Variants in NAV3 observed in about 807,000 individuals in gnomAD.
NAV3 encodes pore membrane and/or filament interacting like protein 1.
A neutral mutation model predicts 244.7 loss-of-function variants in NAV3; 87 were observed. The observed-to-expected ratio is 0.36, with a 90% CI of 0.30 to 0.42. The LOEUF (loss-of-function observed/expected upper bound fraction) is 0.42, where lower values mean the gene tolerates loss of function less well. Among genes scored for constraint, NAV3 ranks in the 20% least tolerant of loss-of-function variants. The pLI is 1.00. For synonymous variants in NAV3, 1,126 were observed against 1,042.2 expected, an observed-to-expected ratio of 1.08 and a Z score of -1.55; for missense variants, 2,663 against 2,893.3, an observed-to-expected ratio of 0.92 and a Z score of 1.83.
chr12:78,044,595 C>T (rs186480801), intron 9 of NAV3, among the ~76,000 whole-genome samples: 60 of 152,206 alleles, frequency 3.9e-4, no homozygotes, highest in African/African-American at 1.3e-3. Flanking sequence ...TTTGTGTCCT[C>T]TCTTATTTCC....
Position 77,601,140 on chromosome 12 carries a change from C to T in NAV3, c.72+28874C>T, listed in dbSNP as rs752962152. 4.0e-5 allele frequency among the ~76,000 whole-genome samples: 6 copies of T among 151,882 alleles called. No homozygotes were observed. In the East Asian group the frequency reaches 7.8e-4, roughly 20 times the overall value. On this transcript the variant is annotated intron_variant, in intron 2 of 8. Coordinates refer to the NAV3 transcript ENST00000550042. ...TTTATATGTATTAACTCATTTTATC[C>T]GCACAAATACCCTCTGATGTAGGGA...
chr12:77,955,043 C>G (rs1027188361), intron 3 of NAV3, among the ~76,000 whole-genome samples: 9 of 152,142 alleles, frequency 5.9e-5, no homozygotes, highest in Non-Finnish European at 8.8e-5. Context: ...GTGGCCTTGT[C>G]TCCTGCCACT....
chr12:78,067,309 A>G (rs1214661589), intron 12 of NAV3, among the ~76,000 whole-genome samples: 3 of 152,128 alleles, frequency 2.0e-5, no homozygotes, highest in Non-Finnish European at 4.4e-5. Flanking sequence ...GGAAAGAGAC[A>G]AAGTAAATAT....
At chr12:78,044,188 A>C (rs1881362527) in intron 9 of NAV3, among the ~76,000 whole-genome samples, 1 of 152,184 alleles carries the variant, frequency 6.6e-6, no homozygotes, top group Non-Finnish European at 1.5e-5. Context: ...TAAATAGGGA[A>C]TCCTTTCCCC....
At chr12:77,664,851 A>T (rs569152781) in intron 2 of NAV3, among the ~76,000 whole-genome samples, 10 of 152,350 alleles carry the variant, frequency 6.6e-5, no homozygotes, top group African/African-American at 2.4e-4. Flanking sequence ...CATGTAATAG[A>T]TTCTTCTGTG....
chr12:77,802,840 T>G (rs550473259), intron 2 of NAV3, among the ~76,000 whole-genome samples: 1 of 152,202 alleles, frequency 6.6e-6, no homozygotes, highest in South Asian at 2.1e-4. Context: ...TTTTGTTTTT[T>G]GTATTTTTAG....
At chr12:77,588,030 A>G (rs1415572550) in intron 2 of NAV3, among the ~76,000 whole-genome samples, 1 of 152,222 alleles carries the variant, frequency 6.6e-6, no homozygotes, top group Non-Finnish European at 1.5e-5. Context: ...TACAATTTCC[A>G]TATGTATTTT....
At chr12:78,004,957 C>T (rs1349347173) in intron 7 of NAV3, among the ~76,000 whole-genome samples, 1 of 152,114 alleles carries the variant, frequency 6.6e-6, no homozygotes, top group Admixed American at 6.5e-5. Context: ...GTTGAAATTC[C>T]TCTTCTGTAC....
At chr12:77,808,560 G>A (rs931437732) in intron 2 of NAV3, among the ~76,000 whole-genome samples, 2 of 152,172 alleles carry the variant, frequency 1.3e-5, no homozygotes, top group African/African-American at 4.8e-5. Context: ...TCGTTCCAGA[G>A]GGGCACCGGC....
chr12:77,844,849 T>C (rs7965680), intron 1 of NAV3, among the ~76,000 whole-genome samples: 68,567 of 152,036 alleles, frequency 0.45, 17,702 homozygotes, highest in East Asian at 0.59. Context: ...GTGGCCTGAA[T>C]TGGAGTCCTT....
At chr12:77,767,093 G>A (rs751385618) in intron 2 of NAV3, among the ~76,000 whole-genome samples, 13 of 152,176 alleles carry the variant, frequency 8.5e-5, no homozygotes, top group Non-Finnish European at 1.2e-4. Flanking sequence ...TAAGAAGCGC[G>A]ATGGAAAGTC....
intron 2 of NAV3, among the ~76,000 whole-genome samples, chr12:77,644,047 A>G (rs12828096): frequency 3.3e-5 from 5 of 152,136 alleles, no homozygotes; most frequent in African/African-American, 1.2e-4. Context: ...AGACATATGC[A>G]TACATATAGA....
At chr12:78,195,649 C>G (rs1428881675) in intron 34 of NAV3, among the ~76,000 whole-genome samples, 2 of 151,978 alleles carry the variant, frequency 1.3e-5, no homozygotes, top group Non-Finnish European at 2.9e-5. Flanking sequence ...TTTATCCTCT[C>G]TCATGGAATG....
At chr12:77,724,002 A>C (rs1490318520) in intron 2 of NAV3, among the ~76,000 whole-genome samples, 1 of 151,782 alleles carries the variant, frequency 6.6e-6, no homozygotes, top group African/African-American at 2.4e-5. Flanking sequence ...TTAATTTTAA[A>C]TGCCAAATAA....
intron 1 of NAV3, among the ~76,000 whole-genome samples, chr12:77,846,683 A>T (rs114523116): frequency 0.012 from 1,820 of 152,300 alleles, 31 homozygotes; most frequent in African/African-American, 0.041. Context: ...TTGCCTTGTT[A>T]AATTAAGGAT....
At chr12:77,951,468 G>A (rs533026723) in intron 3 of NAV3, among the ~76,000 whole-genome samples, 30 of 152,302 alleles carry the variant, frequency 2.0e-4, no homozygotes, top group African/African-American at 7.0e-4. Flanking sequence ...TACACTGTTG[G>A]TGGGACTGTA....
intron 2 of NAV3, among the ~76,000 whole-genome samples, chr12:77,599,756 A>G (rs987019312): frequency 1.3e-5 from 2 of 151,972 alleles, no homozygotes; most frequent in Admixed American, 6.6e-5. Context: ...ATGCATTACT[A>G]TTATTAAAAT....
chr12:78,134,850 T>C (rs991069806), intron 18 of NAV3, among the ~76,000 whole-genome samples: 5 of 152,238 alleles, frequency 3.3e-5, no homozygotes, highest in Non-Finnish European at 5.9e-5. Context: ...ATAATCTTAA[T>C]AAAAGGTTAG....
At chr12:77,574,263 T>C (rs1868974232) in intron 2 of NAV3, among the ~76,000 whole-genome samples, 1 of 152,108 alleles carries the variant, frequency 6.6e-6, no homozygotes, top group Non-Finnish European at 1.5e-5. Flanking sequence ...AGCCTTGATA[T>C]GTAAGATCTG....
Sources: allele counts gnomAD v4.1 joint callset (sites outside exome capture counted in the v4.1 genomes callset), GRCh38; gene constraint gnomAD v4.1.1; transcripts MANE v1.5; gene names NCBI Gene and HGNC (gene_info 2026-07-23, HGNC 2026-07-21).